Variants in PAK2 observed in about 807,000 individuals in gnomAD.
PAK2 encodes serine/threonine-protein kinase PAK 2.
Under a neutral mutation model 65.9 loss-of-function variants are expected in PAK2, and 21 were observed. The observed-to-expected ratio is 0.32, with a 90% CI of 0.23 to 0.46. PAK2 has a LOEUF of 0.46. Ranked by LOEUF, PAK2 falls within the 20% of genes least tolerant of loss-of-function variation. The pLI, the probability that PAK2 is intolerant of heterozygous loss-of-function variation, is 1.00. For missense variants in PAK2, 324 were observed against 642.6 expected, an observed-to-expected ratio of 0.50 and a Z score of 5.36; for synonymous variants, 204 against 219.7, an observed-to-expected ratio of 0.93 and a Z score of 0.63.
chr3:196,822,804 C>A (rs1039360279), intron 13 of PAK2, among the ~76,000 whole-genome samples: 2 of 152,094 alleles, frequency 1.3e-5, no homozygotes, highest in Non-Finnish European at 2.9e-5. Context: ...GTGATACTTA[C>A]CTGAGGGAAA....
intron 1 of PAK2, among the ~76,000 whole-genome samples, chr3:196,765,882 G>T (rs1196144115): frequency 1.3e-5 from 2 of 151,732 alleles, no homozygotes. Context: ...AGAATAAAAA[G>T]AGCTATAAAA....
chr3:196,769,222 A>T (rs1714280939), intron 1 of PAK2, among the ~76,000 whole-genome samples: 1 of 151,506 alleles, frequency 6.6e-6, no homozygotes, highest in African/African-American at 2.4e-5. Flanking sequence ...AACCACTCGG[A>T]GGCTGAGGTG....
intron 4 of PAK2, 40 bp downstream of exon 4, chr3:196,803,204 T>C: frequency 2.7e-6 from 4 of 1,488,306 alleles, no homozygotes; most frequent in Non-Finnish European, 3.6e-6. Flanking sequence ...TGGAGATTTG[T>C]GAAGCACTTC....
intron 1 of PAK2, among the ~76,000 whole-genome samples, chr3:196,769,966 G>A (rs777253148): frequency 2.0e-5 from 3 of 152,078 alleles, no homozygotes; most frequent in African/African-American, 7.3e-5. Context: ...TTAATACAGT[G>A]TTTGTTAGGC....
At chr3:196,773,526 A>G (rs1191070421) in intron 1 of PAK2, among the ~76,000 whole-genome samples, 4 of 152,148 alleles carry the variant, frequency 2.6e-5, no homozygotes, top group African/African-American at 9.7e-5. Context: ...AAATCTTTCT[A>G]AATATATTTT....
At chr3:196,796,987 C>G (rs191104153) in intron 2 of PAK2, among the ~76,000 whole-genome samples, 1 of 152,106 alleles carries the variant, frequency 6.6e-6, no homozygotes, top group Non-Finnish European at 1.5e-5. Flanking sequence ...CAATTATAAT[C>G]GGAGATTCCA....
chr3:196,777,360 C>T (rs374388642), intron 1 of PAK2, among the ~76,000 whole-genome samples: 2 of 152,056 alleles, frequency 1.3e-5, no homozygotes, highest in Non-Finnish European at 2.9e-5. Context: ...CGCGCCACCA[C>T]GCCCAGCTAA....
At chr3:196,741,140 C>T (rs1244528875) in intron 1 of PAK2, among the ~76,000 whole-genome samples, 1 of 152,076 alleles carries the variant, frequency 6.6e-6, no homozygotes, top group African/African-American at 2.4e-5. Context: ...ATGGTTAGGC[C>T]TAAAATTAAA....
At position 196,760,972 on chromosome 3, in the gene PAK2, C is replaced by G. The variant is rs190421485; in HGVS notation, c.-22+20815C>G. Among the ~76,000 whole-genome samples, 287 of 152,218 alleles carry G rather than the reference C, an allele frequency of 1.9e-3. 2 individuals carry two copies. Among genetic ancestry groups the G allele is most frequent in the African/African-American group, 6.6e-3 (275 of 41,538 alleles). ...AAAGTTAGGGCTGAGCACAGTGGCT[C>G]AAGCCTGTAATCCCAGCACTTTGGG... On this transcript the variant is annotated intron_variant, in intron 1 of 14. Coordinates refer to ENST00000327134, the MANE Select transcript of PAK2 (RefSeq NM_002577.4).
At chr3:196,805,330 T>C in intron 4 of PAK2, 22 bp from the exon 5 acceptor site, 1 of 1,336,882 alleles carries the variant, frequency 7.5e-7, no homozygotes, top group Non-Finnish European at 1.0e-6. Context: ...ATTGCTAATG[T>C]TATGTTTTGT....
At chr3:196,827,930 C>A (rs6789251) in intron 14 of PAK2, among the ~76,000 whole-genome samples, 2 of 1,868 alleles carry the variant, frequency 1.1e-3, no homozygotes, top group Non-Finnish European at 1.1e-3. Context: ...GTTTGTGCAT[C>A]GTATCAATCC....
chr3:196,751,380 G>A (rs1262834742), intron 1 of PAK2, among the ~76,000 whole-genome samples: 2 of 151,768 alleles, frequency 1.3e-5, no homozygotes, highest in African/African-American at 4.8e-5. Flanking sequence ...AAGCATAGTG[G>A]CTCACTCCTG....
intron 1 of PAK2, among the ~76,000 whole-genome samples, chr3:196,775,267 C>T (rs1424988225): frequency 1.3e-5 from 2 of 152,128 alleles, no homozygotes; most frequent in Non-Finnish European, 2.9e-5. Context: ...TGTGTAGTCA[C>T]TAAAAAGTTC....
At chr3:196,800,395 A>AAAAAGT (rs1212973047) in intron 2 of PAK2, among the ~76,000 whole-genome samples, 1 of 152,108 alleles carries the variant, frequency 6.6e-6, no homozygotes, top group Non-Finnish European at 1.5e-5. Context: ...AAAGAAAAAG[A>AAAAAGT]AAGAAAGAAA....
chr3:196,775,422 G>A, intron 1 of PAK2, among the ~76,000 whole-genome samples: 1 of 152,014 alleles, frequency 6.6e-6, no homozygotes, highest in Non-Finnish European at 1.5e-5. Flanking sequence ...TCACTCTGTG[G>A]CCCAGGCTGG....
intron 2 of PAK2, among the ~76,000 whole-genome samples, chr3:196,789,077 A>G (rs1377066774): frequency 1.3e-5 from 2 of 152,238 alleles, no homozygotes; most frequent in African/African-American, 4.8e-5. Context: ...TGGTAGGTAT[A>G]TAGAAAAAAG....
In PAK2 at chr3:196,828,439, T is replaced by C. The variant is rs780176350; in HGVS notation, c.*34T>C. 1 of 1,274,382 alleles carries C rather than the reference T, an allele frequency of 7.8e-7. No individual in the cohort carries two copies. The highest frequency in any genetic ancestry group is 1.2e-5 in the South Asian group (1 of 81,480). 78.9% of individuals were successfully genotyped at this position (1,274,382 alleles called of 1,614,324 possible). ...CTGTGGCCTCATACTCTTTTTTCCA[T>C]TTTCTACAAGAAGCCTTTTAGTATA... On this transcript the variant is annotated 3_prime_UTR_variant, in exon 15 of 15. Transcript: ENST00000327134.
intron 10 of PAK2, among the ~76,000 whole-genome samples, chr3:196,813,485 A>T (rs1376366296): frequency 6.6e-6 from 1 of 151,418 alleles, no homozygotes; most frequent in Non-Finnish European, 1.5e-5. Context: ...AAAGAAAATG[A>T]TGTATATTAC....
At chr3:196,770,228 G>C (rs1714318796) in intron 1 of PAK2, among the ~76,000 whole-genome samples, 1 of 152,028 alleles carries the variant, frequency 6.6e-6, no homozygotes, top group Non-Finnish European at 1.5e-5. Flanking sequence ...TTGTAATCCA[G>C]CCTGAGTGAC....
Sources: allele counts gnomAD v4.1 joint callset (sites outside exome capture counted in the v4.1 genomes callset), GRCh38; gene constraint gnomAD v4.1.1; transcripts MANE v1.5; gene names NCBI Gene and HGNC (gene_info 2026-07-23, HGNC 2026-07-21).